DCAF4: variants seen among roughly 807,000 people sequenced by gnomAD.
The protein encoded by DCAF4 is DDB1 and CUL4 associated factor 4.
In DCAF4, 37 loss-of-function variants were observed where a neutral mutation model predicts 60.9. The ratio of observed to expected loss-of-function variants is 0.61; its 90% CI spans 0.47 to 0.80. The LOEUF is 0.80. Among genes scored for constraint, DCAF4 ranks in the 30% least tolerant of loss-of-function variants. The pLI is 0.00. For synonymous variants in DCAF4, 243 were observed against 254.8 expected, an observed-to-expected ratio of 0.95 and a Z score of 0.44; for missense variants, 577 against 650.0, an observed-to-expected ratio of 0.89 and a Z score of 1.22.
chr14:72,953,732 A>AAATATATATATATATATATAT (rs1555527852), intron 9 of DCAF4, among the ~76,000 whole-genome samples: 1 of 21,778 alleles, frequency 4.6e-5, no homozygotes, highest in East Asian at 1.2e-3. Context: ...AAAAAAAAAA[A>AAATATATATATATATATATAT]ATATATATAT....
chr14:72,958,172 C>T, intron 13 of DCAF4: 1 of 179,198 alleles, frequency 5.6e-6, no homozygotes, highest in Non-Finnish European at 1.2e-5. Flanking sequence ...ACTCAGGAGG[C>T]TGAGGCAGAA....
intron 5 of DCAF4, 152 bp from the exon 6 acceptor site, chr14:72,942,842 G>A (rs1016031954): frequency 3.1e-6 from 2 of 646,226 alleles, no homozygotes; most frequent in African/African-American, 3.7e-5. Context: ...CGGATAATCT[G>A]GGATCTTGCT....
chr14:72,943,182 G>C (rs553639951), intron 6 of DCAF4, 86 bp downstream of exon 6: 10 of 1,271,196 alleles, frequency 7.9e-6, no homozygotes, highest in Non-Finnish European at 6.7e-6. Flanking sequence ...ATCAAACCTG[G>C]CTCTGGAGAA....
At chr14:72,948,836 G>A (rs905800881) in intron 8 of DCAF4, among the ~76,000 whole-genome samples, 4 of 152,200 alleles carry the variant, frequency 2.6e-5, no homozygotes, top group African/African-American at 9.6e-5. Context: ...TGCAAGAGTG[G>A]TGGGAAGTTA....
chr14:72,945,994 C>A lies in DCAF4; in HGVS notation c.645C>A (p.Phe215Leu). The A allele has an allele frequency of 6.2e-7, 1 of 1,614,128 alleles. No individual in the cohort carries two copies. The highest frequency in any genetic ancestry group is 8.5e-7 in the Non-Finnish European group (1 of 1,180,024). ...QSLKTPTLKV[F>L]MHENLYFTNR... ...TGAAGACCCCTACGCTCAAGGTGTT[C>A]ATGCACGAAAACCTCTACTTCACCA... The change falls in exon 7 of 14, where the codon TTC (phenylalanine) becomes TTA (leucine). Residue 215 changes from phenylalanine (F) to leucine (L), a missense_variant. Phe to Leu is a conservative substitution (Grantham distance 22). Coordinates refer to ENST00000358377, the MANE Select transcript of DCAF4 (RefSeq NM_015604.4).
At position 72,946,210 on chromosome 14, in the gene DCAF4, G is replaced by A. The variant is rs568247028; in HGVS notation, c.678+183G>A. On this transcript the variant is annotated intron_variant, in intron 7 of 13. Transcript: ENST00000358377. ...CAACCTGGGCAGCATAACATGCATG[G>A]TGAAACCTTGTCTCTACAAAAAAAA... Among the ~76,000 whole-genome samples the A allele has an allele frequency of 2.8e-4, 41 of 148,896 alleles. 1 individual carries two copies. The highest frequency in any genetic ancestry group is 9.9e-4 in the African/African-American group (40 of 40,358).
intron 1 of DCAF4, among the ~76,000 whole-genome samples, chr14:72,935,756 C>T (rs1567299107): frequency 6.6e-6 from 1 of 152,354 alleles, no homozygotes; most frequent in African/African-American, 2.4e-5. Flanking sequence ...GAGTGGGACA[C>T]AGTCCTGCCT....
intron 8 of DCAF4, among the ~76,000 whole-genome samples, chr14:72,948,524 G>C (rs1891027342): frequency 1.3e-5 from 2 of 152,272 alleles, no homozygotes; most frequent in African/African-American, 2.4e-5. Context: ...TCTAACCAGA[G>C]GGCTAAAGAG....
chr14:72,928,585 TTATATATA>T lies in DCAF4; in HGVS notation c.-9+2067_-9+2074del, dbSNP rs57258334. The stretch of plus-strand genomic sequence containing the variant: ...TACAGCATGGTGTAGTAAACATCCT[TTATATATA>T]TATATATATATATATATATATATAG... On this transcript the variant is annotated intron_variant, in intron 1 of 13. Coordinates refer to ENST00000358377, the MANE Select transcript of DCAF4 (RefSeq NM_015604.4). 8.5e-3 allele frequency among the ~76,000 whole-genome samples: 136 copies of T among 15,924 alleles called. 2 individuals carry two copies. The East Asian group carries it at 0.4, about 46-fold the overall frequency. The allele number at this position is 15,924 out of a possible 152,430, so 10.4% of individuals were successfully genotyped here.
chr14:72,951,568 G>A (rs1460827111), intron 8 of DCAF4, among the ~76,000 whole-genome samples: 1 of 152,074 alleles, frequency 6.6e-6, no homozygotes, highest in Non-Finnish European at 1.5e-5. Flanking sequence ...CCGAGATCGC[G>A]CCATTGCACC....
intron 7 of DCAF4, among the ~76,000 whole-genome samples, chr14:72,946,299 G>C (rs979175889): frequency 6.6e-6 from 1 of 151,988 alleles, no homozygotes; most frequent in Non-Finnish European, 1.5e-5. Flanking sequence ...GGGGCTCGGG[G>C]GGAGGTGAGG....
chr14:72,948,213 G>T (rs1025019550), intron 8 of DCAF4, among the ~76,000 whole-genome samples: 3 of 151,956 alleles, frequency 2.0e-5, no homozygotes, highest in Non-Finnish European at 2.9e-5. Context: ...CAGAGAAAGG[G>T]GTCTTGCCCT....
At chr14:72,960,962 C>T (rs1268662694), downstream of DCAF4, among the ~76,000 whole-genome samples, 1 of 151,710 alleles carries the variant, frequency 6.6e-6, no homozygotes. Context: ...TTACTACTCA[C>T]TGCAGTCTTG....
intron 6 of DCAF4, among the ~76,000 whole-genome samples, chr14:72,944,253 G>A (rs991973896): frequency 1.5e-4 from 23 of 152,174 alleles, no homozygotes; most frequent in Non-Finnish European, 2.8e-4. Flanking sequence ...TGACCGCAGG[G>A]CCAGAAAGTG....
Position 72,955,643 on chromosome 14 carries a change from G to T in DCAF4, c.1126G>T (p.Val376Leu). 6.2e-7 allele frequency: 1 copy of T among 1,614,158 alleles called. No individual in the cohort carries two copies. Among genetic ancestry groups the T allele is most frequent in the Non-Finnish European group, 8.5e-7 (1 of 1,180,026 alleles). The change falls in exon 12 of 14, where the codon GTG (valine) becomes TTG (leucine). Residue 376 changes from valine to leucine, a missense_variant. Physicochemically the swap from Val to Leu is conservative, Grantham distance 32 (BLOSUM62 1). Transcript: ENST00000358377. ...GTTTCATGATTCAGCAGTGACCTCT[G>T]TGCGGATCCTCCAAGATGAGCAATA... Reference protein sequence around the residue: ...RLFHDSAVTSVRILQDEQYLM... With the variant: ...RLFHDSAVTSLRILQDEQYLM...
chr14:72,951,281 C>A (rs1891370268), intron 8 of DCAF4, among the ~76,000 whole-genome samples: 1 of 152,134 alleles, frequency 6.6e-6, no homozygotes. Context: ...CCACACCCAG[C>A]TTTTAACTAT....
In DCAF4 at chr14:72,947,228, C is replaced by A. The variant is rs1161594933; in HGVS notation, c.728+37C>A. The A allele has an allele frequency of 2.5e-6, 4 of 1,612,466 alleles. No homozygotes were observed. The African/African-American group carries it at 5.3e-5, about 22-fold the overall frequency. ...CAGAGGAAGAGGTTTGGTGGGCAGG[C>A]CACACCCTGACGTTGGACCTGGGTA... On this transcript the variant is annotated intron_variant, in intron 8 of 13. Coordinates refer to ENST00000358377, the MANE Select transcript of DCAF4 (RefSeq NM_015604.4).
At chr14:72,958,491 TTG>T in intron 13 of DCAF4, 119 bp from the exon 14 acceptor site, 1 of 1,140,860 alleles carries the variant, frequency 8.8e-7, no homozygotes, top group Non-Finnish European at 1.3e-6. Flanking sequence ...GTTAATGAGT[TTG>T]TGTTTTGGCT....
chr14:72,931,267 T>TTC (rs1440141543), intron 1 of DCAF4, among the ~76,000 whole-genome samples: 2 of 149,254 alleles, frequency 1.3e-5, no homozygotes, highest in African/African-American at 4.9e-5. Flanking sequence ...TTTTCTCTTT[T>TTC]TTTTTTTTTT....
Sources: gnomAD v4.1 joint callset for allele counts (sites outside exome capture counted in the v4.1 genomes callset) on GRCh38, gnomAD v4.1.1 for gene constraint, MANE v1.5 for transcripts, NCBI Gene and HGNC (gene_info 2026-07-23, HGNC 2026-07-21) for gene names.